The following NBPF10 variants were observed in gnomAD, a reference collection of about 807,000 sequenced individuals.
NBPF10 encodes the protein NBPF family member NBPF10.
A neutral mutation model predicts 77.9 loss-of-function variants in NBPF10; 63 were observed. The observed-to-expected ratio is 0.81, with a 90% CI of 0.66 to 1.00. The LOEUF (loss-of-function observed/expected upper bound fraction) is 1.00. Ranked by LOEUF, NBPF10 falls within the 50% of genes least tolerant of loss-of-function variation. NBPF10 has a pLI of 0.00. For synonymous variants in NBPF10, 146 were observed against 264.5 expected (o/e 0.55, Z 4.35); for missense variants, 522 against 679.8 (o/e 0.77, Z 2.58).
At chr1:146,086,826 GA>G (rs1656719951) in intron 64 of NBPF10, 97 bp downstream of exon 64, 1 of 109,376 alleles carries the variant, frequency 9.1e-6, no homozygotes, top group African/African-American at 5.6e-4. Flanking sequence ...CTGCGGCAAT[GA>G]CGTCTCTCGG....
exon 14 of NBPF10, chr1:146,126,372 T>C (rs782171304): frequency 2.3e-5 from 31 of 1,373,630 alleles, no homozygotes; most frequent in South Asian, 4.6e-5. Context: ...CCTGCAAGAC[T>C]TCAGGCCCTT....
At chr1:146,109,367 GCTC>G (rs1657363971) in intron 35 of NBPF10, among the ~76,000 whole-genome samples, 2 of 57,710 alleles carry the variant, frequency 3.5e-5, no homozygotes, top group African/African-American at 1.1e-4. Context: ...GAGAGAACGA[GCTC>G]AGTGAATTGT....
chr1:146,067,669 C>T (rs1397945079), intron 88 of NBPF10, among the ~76,000 whole-genome samples: 1 of 149,448 alleles, frequency 6.7e-6, no homozygotes, highest in Non-Finnish European at 1.5e-5. Context: ...GGACTCCAGA[C>T]ACTGAAATTA....
intron 19 of NBPF10, among the ~76,000 whole-genome samples, chr1:146,121,948 G>C (rs1658228348): frequency 7.4e-6 from 1 of 135,030 alleles, no homozygotes; most frequent in South Asian, 2.5e-4. Context: ...GGGAGTCAAA[G>C]GACACTCTGA....
At chr1:146,140,235 G>T (rs1289993068) in intron 4 of NBPF10, among the ~76,000 whole-genome samples, 2 of 125,730 alleles carry the variant, frequency 1.6e-5, no homozygotes, top group Non-Finnish European at 3.7e-5. Context: ...CTGGTGTTCA[G>T]TGCACTGAAC....
intron 89 of NBPF10, 152 bp from the exon 90 acceptor site, chr1:146,066,713 T>C (rs587669171): frequency 5.1e-6 from 3 of 590,746 alleles, no homozygotes; most frequent in Admixed American, 3.0e-5. Context: ...TGCCTTTATG[T>C]TGGGATAGAA....
rs199622501 is a variant in NBPF10 at position 146,136,515 on chromosome 1, G to C, written c.989-60C>G. The C allele has an allele frequency of 3.3e-4, 487 of 1,465,462 alleles. 1 individual carries two copies. The East Asian group carries it at 7.2e-3, about 22-fold the overall frequency. The allele number at this position is 1,465,462 out of a possible 1,614,324, so 90.8% of individuals were successfully genotyped here. On this transcript the variant is annotated intron_variant, in intron 6 of 89. Coordinates refer to ENST00000583866, the Ensembl canonical transcript of NBPF10. ...GGCTGGACATGCTGCTGTGGTCATT[G>C]CCTACAGGACAGGAGCCAGGTCCAT...
intron 5 of NBPF10, among the ~76,000 whole-genome samples, chr1:146,139,098 T>A (rs1660011824): frequency 3.1e-5 from 1 of 32,578 alleles, no homozygotes; most frequent in African/African-American, 7.6e-5. Flanking sequence ...CTTACTTTTT[T>A]TTTTTTTTTT....
At chr1:146,066,291 G>A in exon 90 of NBPF10, 8 of 577,934 alleles carry the variant, frequency 1.4e-5, no homozygotes, top group Non-Finnish European at 2.1e-5. Flanking sequence ...CTGCAGGAAT[G>A]ACATCTCTCG....
At position 146,122,652 on chromosome 1, in the gene NBPF10, C is replaced by T. The variant is rs1385537243; in HGVS notation, c.2477-261G>A. Among the ~76,000 whole-genome samples, 2 of 12,612 alleles carry T rather than the reference C, an allele frequency of 1.6e-4. 1 individual carries two copies. The allele number at this position is 12,612 out of a possible 152,430, so 8.3% of individuals were successfully genotyped here. On this transcript the variant is annotated intron_variant, in intron 18 of 89. Coordinates refer to ENST00000583866, the Ensembl canonical transcript of NBPF10. Reference sequence around the variant, plus strand: ...TGTCCCAAGTTTGTGCAAACAGTTACGCCATATTTTTCCAATCAACTTAAA... The same window carrying T: ...TGTCCCAAGTTTGTGCAAACAGTTATGCCATATTTTTCCAATCAACTTAAA...
chr1:146,142,148 C>T (rs587598950), intron 2 of NBPF10, among the ~76,000 whole-genome samples: 6 of 121,056 alleles, frequency 5.0e-5, no homozygotes, highest in Admixed American at 1.7e-4. Context: ...TGTGAAAATA[C>T]ACATAGTGCA....
chr1:146,134,352 A>T (rs1465368883), intron 8 of NBPF10, 87 bp from the exon 9 acceptor site: 1 of 1,090,162 alleles, frequency 9.2e-7, no homozygotes, highest in African/African-American at 1.7e-5. Flanking sequence ...AGACATGAAC[A>T]TCTAGGCATG....
chr1:146,136,032 TG>T (rs1553794778), intron 7 of NBPF10, among the ~76,000 whole-genome samples: 3 of 148,920 alleles, frequency 2.0e-5, no homozygotes, highest in African/African-American at 7.5e-5. Flanking sequence ...TAAGGGTAAG[TG>T]GGGTGGTGAT....
chr1:146,064,867 C>A (rs1425527184), exon 90 of NBPF10: 1 of 25,474 alleles, frequency 3.9e-5, no homozygotes, highest in Non-Finnish European at 8.3e-5. Flanking sequence ...AAAACTCAGG[C>A]AGAGAATGTC....
chr1:146,137,224 GC>G (rs1374174849), intron 6 of NBPF10, among the ~76,000 whole-genome samples: 1 of 90,618 alleles, frequency 1.1e-5, no homozygotes, highest in African/African-American at 3.4e-5. Context: ...CTTGGATGGA[GC>G]CCAGGAGACA....
intron 56 of NBPF10, among the ~76,000 whole-genome samples, chr1:146,092,815 G>C (rs1407154212): frequency 1.1e-5 from 1 of 91,178 alleles, no homozygotes; most frequent in Non-Finnish European, 2.3e-5. Context: ...CAAATACTCA[G>C]ATTGTTCATG....
chr1:146,125,788 C>T (rs1658531939), intron 14 of NBPF10, among the ~76,000 whole-genome samples: 1 of 146,176 alleles, frequency 6.8e-6, no homozygotes, highest in Non-Finnish European at 1.5e-5. Context: ...CCATATTTTT[C>T]CAATCGATTT....
At chr1:146,073,938 A>G (rs1655909699) in intron 80 of NBPF10, among the ~76,000 whole-genome samples, 1 of 94,340 alleles carries the variant, frequency 1.1e-5, no homozygotes, top group Non-Finnish European at 2.8e-5. Flanking sequence ...GAGACGCTGA[A>G]ATTAGAGTGA....
intron 88 of NBPF10, 71 bp downstream of exon 88, chr1:146,067,932 T>C (rs1329424408): frequency 1.0e-5 from 7 of 685,774 alleles, no homozygotes; most frequent in Admixed American, 8.4e-5. Flanking sequence ...CAAGGGCCAC[T>C]TGGAATAGGA....
Sources: allele counts gnomAD v4.1 joint callset (sites outside exome capture counted in the v4.1 genomes callset), GRCh38; gene constraint gnomAD v4.1.1; transcripts MANE v1.5; gene names NCBI Gene and HGNC (gene_info 2026-07-23, HGNC 2026-07-21).